SLC24A3: variants seen among roughly 807,000 people sequenced by gnomAD.
SLC24A3 encodes the protein sodium/potassium/calcium exchanger 3.
SLC24A3 carries 28 observed loss-of-function variants against 75.8 expected under a neutral mutation model. That is an observed-to-expected ratio of 0.37 (90% CI 0.27 to 0.51). SLC24A3 has a LOEUF of 0.51. Among genes scored for constraint, SLC24A3 ranks in the 20% least tolerant of loss-of-function variants. The pLI is 0.94. For missense variants in SLC24A3, 663 were observed against 847.8 expected (o/e 0.78, Z 2.71); for synonymous variants, 372 against 334.1 (o/e 1.11, Z -1.24).
intron 2 of SLC24A3, among the ~76,000 whole-genome samples, chr20:19,316,108 C>T (rs987103565): frequency 2.6e-5 from 4 of 152,182 alleles, no homozygotes; most frequent in Admixed American, 6.5e-5. Flanking sequence ...GCCTATTGAA[C>T]CACATATTGC....
intron 6 of SLC24A3, 69 bp downstream of exon 6, chr20:19,585,613 C>T (rs2031283665): frequency 6.9e-7 from 1 of 1,450,290 alleles, no homozygotes; most frequent in Non-Finnish European, 9.6e-7. Context: ...GGAGTTTAGG[C>T]AGGAGACTGT....
intron 1 of SLC24A3, among the ~76,000 whole-genome samples, chr20:19,214,698 C>G (rs1014524576): frequency 6.6e-6 from 1 of 152,160 alleles, no homozygotes; most frequent in Non-Finnish European, 1.5e-5. Flanking sequence ...AGACACTCTG[C>G]AAACTTGAAA....
intron 6 of SLC24A3, among the ~76,000 whole-genome samples, chr20:19,618,671 G>C (rs2031768186): frequency 6.6e-6 from 1 of 152,136 alleles, no homozygotes; most frequent in Non-Finnish European, 1.5e-5. Context: ...TTGTGCCTCT[G>C]TTACCACATA....
intron 2 of SLC24A3, among the ~76,000 whole-genome samples, chr20:19,334,286 T>C (rs1198469769): frequency 6.6e-6 from 1 of 152,076 alleles, no homozygotes; most frequent in Non-Finnish European, 1.5e-5. Flanking sequence ...CCTTGGAGAG[T>C]GGCTTGATTT....
At chr20:19,321,250 A>C (rs1278892216) in intron 2 of SLC24A3, among the ~76,000 whole-genome samples, 1 of 152,192 alleles carries the variant, frequency 6.6e-6, no homozygotes, top group African/African-American at 2.4e-5. Flanking sequence ...TCATTATCAC[A>C]CTCAAGACAT....
chr20:19,249,326 A>G (rs944548229), intron 1 of SLC24A3, among the ~76,000 whole-genome samples: 3 of 152,174 alleles, frequency 2.0e-5, no homozygotes, highest in African/African-American at 7.2e-5. Context: ...TCAGCTTCCA[A>G]CATCTTATCT....
intron 6 of SLC24A3, among the ~76,000 whole-genome samples, chr20:19,588,056 T>G (rs2031323860): frequency 6.6e-6 from 1 of 152,096 alleles, no homozygotes; most frequent in Admixed American, 6.5e-5. Flanking sequence ...AGGGAGAAGG[T>G]CTTCTAAATG....
chr20:19,512,551 T>C (rs895134771), intron 2 of SLC24A3, among the ~76,000 whole-genome samples: 1 of 152,220 alleles, frequency 6.6e-6, no homozygotes, highest in Non-Finnish European at 1.5e-5. Flanking sequence ...ATTCAGCCAG[T>C]TGCTGTTCAT....
At chr20:19,498,772 G>A (rs1208700765) in intron 2 of SLC24A3, among the ~76,000 whole-genome samples, 1 of 152,062 alleles carries the variant, frequency 6.6e-6, no homozygotes, top group Non-Finnish European at 1.5e-5. Context: ...GAAGAGATAG[G>A]GTCCACTTCA....
chr20:19,674,829 G>C (rs1192816196), intron 9 of SLC24A3, among the ~76,000 whole-genome samples: 3 of 152,146 alleles, frequency 2.0e-5, no homozygotes, highest in Admixed American at 6.5e-5. Flanking sequence ...AAGGTGAGTG[G>C]ATCACTTGAA....
chr20:19,234,421 C>T (rs1367920906), intron 1 of SLC24A3, among the ~76,000 whole-genome samples: 1 of 152,240 alleles, frequency 6.6e-6, no homozygotes, highest in Non-Finnish European at 1.5e-5. Context: ...TGGTCACACA[C>T]TCAAGCATAT....
chr20:19,222,580 G>T (rs1032868899), intron 1 of SLC24A3, among the ~76,000 whole-genome samples: 2 of 152,176 alleles, frequency 1.3e-5, no homozygotes, highest in African/African-American at 4.8e-5. Flanking sequence ...GATAGGAGAG[G>T]AATCTGGGAA....
At chr20:19,278,036 A>G (rs1171418663) in intron 1 of SLC24A3, among the ~76,000 whole-genome samples, 1 of 152,196 alleles carries the variant, frequency 6.6e-6, no homozygotes, top group Non-Finnish European at 1.5e-5. Context: ...GACCGATATT[A>G]CTTGGTTCTG....
At chr20:19,538,187 G>A (rs2030434785) in intron 3 of SLC24A3, among the ~76,000 whole-genome samples, 2 of 152,130 alleles carry the variant, frequency 1.3e-5, no homozygotes, top group Non-Finnish European at 2.9e-5. Flanking sequence ...TTAGGGTTGA[G>A]GTTCAGCCTT....
At chr20:19,237,179 A>C (rs1017236281) in intron 1 of SLC24A3, among the ~76,000 whole-genome samples, 1 of 152,326 alleles carries the variant, frequency 6.6e-6, no homozygotes, top group African/African-American at 2.4e-5. Flanking sequence ...GCAGATGTTC[A>C]TCCATTTTCC....
intron 1 of SLC24A3, among the ~76,000 whole-genome samples, chr20:19,221,973 T>C (rs966804061): frequency 1.3e-5 from 2 of 152,166 alleles, no homozygotes; most frequent in Non-Finnish European, 2.9e-5. Context: ...GATTGTCTAT[T>C]ATTTGGGTGT....
intron 2 of SLC24A3, among the ~76,000 whole-genome samples, chr20:19,453,289 A>G (rs1987522481): frequency 6.6e-6 from 1 of 152,166 alleles, no homozygotes; most frequent in South Asian, 2.1e-4. Context: ...GTTTGAGGCT[A>G]CAGTAAACTA....
At chr20:19,219,452 C>T (rs919594085) in intron 1 of SLC24A3, among the ~76,000 whole-genome samples, 8 of 152,074 alleles carry the variant, frequency 5.3e-5, no homozygotes, top group Admixed American at 2.0e-4. Flanking sequence ...CGAGGGACAC[C>T]GTGATGTTCA....
At chr20:19,464,548 G>A (rs1341255132) in intron 2 of SLC24A3, among the ~76,000 whole-genome samples, 2 of 152,112 alleles carry the variant, frequency 1.3e-5, no homozygotes, top group African/African-American at 2.4e-5. Context: ...ATCACCAAAC[G>A]GTGAACTCTT....
Sources: gnomAD v4.1 joint callset for allele counts (sites outside exome capture counted in the v4.1 genomes callset) on GRCh38, gnomAD v4.1.1 for gene constraint, MANE v1.5 for transcripts, NCBI Gene and HGNC (gene_info 2026-07-23, HGNC 2026-07-21) for gene names.